Variants in OPCML observed in about 807,000 individuals in gnomAD.
The protein encoded by OPCML is opioid binding protein/cell adhesion molecule like.
Under a neutral mutation model 37.8 loss-of-function variants are expected in OPCML, and 13 were observed. The ratio of observed to expected loss-of-function variants is 0.34; its 90% CI spans 0.22 to 0.55. OPCML has a LOEUF of 0.55. Among genes scored for constraint, OPCML ranks in the 20% least tolerant of loss-of-function variants. The pLI, the probability that OPCML is intolerant of heterozygous loss-of-function variation, is 0.91. For missense variants in OPCML, 341 were observed against 435.6 expected (o/e 0.78, Z 1.93); for synonymous variants, 176 against 168.8 (o/e 1.04, Z -0.33).
At chr11:133,439,199 G>A in intron 1 of OPCML, 1 of 775,488 alleles carries the variant, frequency 1.3e-6, no homozygotes, top group East Asian at 1.3e-4. Context: ...GTGGGACTGA[G>A]CCCTTAACCT....
At chr11:132,685,673 C>CT (rs1485233526) in intron 2 of OPCML, among the ~76,000 whole-genome samples, 2 of 152,024 alleles carry the variant, frequency 1.3e-5, no homozygotes, top group East Asian at 3.9e-4. Flanking sequence ...TAACACACTC[C>CT]CCCCATCTTT....
intron 1 of OPCML, among the ~76,000 whole-genome samples, chr11:133,296,712 T>C (rs1472948633): frequency 6.6e-6 from 1 of 152,164 alleles, no homozygotes; most frequent in East Asian, 1.9e-4. Context: ...ATTCAATGGG[T>C]ATATAAATAA....
intron 1 of OPCML, among the ~76,000 whole-genome samples, chr11:133,391,790 C>A (rs961508149): frequency 6.6e-6 from 1 of 152,156 alleles, no homozygotes; most frequent in African/African-American, 2.4e-5. Flanking sequence ...GCTAAAGCTC[C>A]GTTAAGTGCA....
intron 1 of OPCML, among the ~76,000 whole-genome samples, chr11:133,523,890 G>C (rs1050921992): frequency 1.3e-5 from 2 of 152,136 alleles, no homozygotes; most frequent in African/African-American, 4.8e-5. Flanking sequence ...TCATAACCAA[G>C]GCTTCACCAG....
intron 3 of OPCML, among the ~76,000 whole-genome samples, chr11:132,585,182 G>A (rs1253978368): frequency 1.3e-5 from 2 of 152,042 alleles, no homozygotes; most frequent in African/African-American, 4.8e-5. Context: ...CAAAACTTTA[G>A]GCATCGATGT....
chr11:133,100,522 G>A (rs938834435), intron 1 of OPCML, among the ~76,000 whole-genome samples: 10 of 152,118 alleles, frequency 6.6e-5, no homozygotes, highest in Admixed American at 6.5e-5. Context: ...AATATTGAAG[G>A]AGAAAAACAA....
chr11:132,825,018 A>T (rs1201079097), intron 2 of OPCML, among the ~76,000 whole-genome samples: 1 of 152,144 alleles, frequency 6.6e-6, no homozygotes, highest in East Asian at 1.9e-4. Context: ...GGGGCACTTC[A>T]TGCTACCTGC....
At chr11:132,804,356 A>G (rs1372522255) in intron 2 of OPCML, among the ~76,000 whole-genome samples, 1 of 152,186 alleles carries the variant, frequency 6.6e-6, no homozygotes, top group Non-Finnish European at 1.5e-5. Context: ...AGAATTTACA[A>G]GGTGGCAAAC....
In OPCML at chr11:132,999,587, G is replaced by A. The variant is rs965537281; in HGVS notation, c.62-56577C>T. Among the ~76,000 whole-genome samples, 23 of 150,924 alleles carry A rather than the reference G, an allele frequency of 1.5e-4. No homozygotes were observed. The East Asian group carries it at 2.7e-3, about 18-fold the overall frequency. ...ATGGGGTCGGGGGGGGAATGCCACC[G>A]GTAATGAACAAAAGCTTTTTAACAT... On this transcript the variant is annotated intron_variant, in intron 1 of 7. Transcript: ENST00000524381.
At chr11:133,359,232 C>T (rs755773696) in intron 1 of OPCML, among the ~76,000 whole-genome samples, 6 of 152,182 alleles carry the variant, frequency 3.9e-5, no homozygotes, top group Non-Finnish European at 7.3e-5. Context: ...TTTCTCACCC[C>T]CACTTCCTCA....
intron 3 of OPCML, among the ~76,000 whole-genome samples, chr11:132,640,921 GGAA>G (rs1470864275): frequency 5.9e-5 from 9 of 152,154 alleles, no homozygotes; most frequent in South Asian, 2.1e-4. Context: ...GCACCTCCTG[GGAA>G]GGCCCTGAGT....
chr11:132,651,580 T>A (rs1490568672), intron 3 of OPCML, among the ~76,000 whole-genome samples: 4 of 152,190 alleles, frequency 2.6e-5, no homozygotes, highest in African/African-American at 9.7e-5. Flanking sequence ...AGGGTGGATA[T>A]TCTGTAGAGT....
intron 4 of OPCML, among the ~76,000 whole-genome samples, chr11:132,467,207 G>A (rs1486372183): frequency 6.6e-6 from 1 of 152,182 alleles, no homozygotes; most frequent in African/African-American, 2.4e-5. Context: ...AGGCAGGAAT[G>A]ACGCCTTGGA....
At chr11:133,200,553 C>T (rs1938729761) in intron 1 of OPCML, among the ~76,000 whole-genome samples, 1 of 152,160 alleles carries the variant, frequency 6.6e-6, no homozygotes, top group Non-Finnish European at 1.5e-5. Flanking sequence ...ATCTCTCAAA[C>T]ATCTCTGGAT....
chr11:133,058,520 G>C (rs1459085740), intron 1 of OPCML, among the ~76,000 whole-genome samples: 1 of 152,176 alleles, frequency 6.6e-6, no homozygotes, highest in Non-Finnish European at 1.5e-5. Flanking sequence ...CAACCAGTTA[G>C]GGACTCTCTC....
At chr11:133,099,865 G>A (rs1949061049) in intron 1 of OPCML, among the ~76,000 whole-genome samples, 2 of 152,076 alleles carry the variant, frequency 1.3e-5, no homozygotes, top group South Asian at 4.1e-4. Context: ...CATTCTGTAA[G>A]TTGTTCATTT....
intron 2 of OPCML, among the ~76,000 whole-genome samples, chr11:132,737,568 A>G (rs567658668): frequency 1.3e-5 from 2 of 152,320 alleles, no homozygotes; most frequent in South Asian, 2.1e-4. Context: ...TCTATTTAAA[A>G]TAGCTCTTTG....
At chr11:133,441,839 T>C (rs1371396355) in intron 1 of OPCML, among the ~76,000 whole-genome samples, 1 of 152,312 alleles carries the variant, frequency 6.6e-6, no homozygotes, top group Non-Finnish European at 1.5e-5. Context: ...TATATGTGTA[T>C]AAAGAACTTC....
intron 1 of OPCML, among the ~76,000 whole-genome samples, chr11:133,225,641 A>G (rs1940006740): frequency 6.6e-6 from 1 of 152,196 alleles, no homozygotes. Context: ...GTGTCTGCAT[A>G]CACAAAACAA....
Sources: gnomAD v4.1 joint callset for allele counts (sites outside exome capture counted in the v4.1 genomes callset) on GRCh38, gnomAD v4.1.1 for gene constraint, MANE v1.5 for transcripts, NCBI Gene and HGNC (gene_info 2026-07-23, HGNC 2026-07-21) for gene names.